Variants in TBL1X observed in about 807,000 individuals in gnomAD.
The protein encoded by TBL1X is F-box-like/WD repeat-containing protein TBL1X.
In TBL1X, 10 loss-of-function variants were observed where a neutral mutation model predicts 50.7. The ratio of observed to expected loss-of-function variants is 0.20; its 90% CI spans 0.12 to 0.33. The LOEUF (loss-of-function observed/expected upper bound fraction) is 0.33, where lower values mean the gene tolerates loss of function less well. Ranked by LOEUF, TBL1X falls within the 10% of genes least tolerant of loss-of-function variation. The pLI, the probability that TBL1X is intolerant of heterozygous loss-of-function variation, is 1.00. For missense variants in TBL1X, 340 were observed against 504.4 expected (o/e 0.67, Z 3.12); for synonymous variants, 190 against 214.7 (o/e 0.88, Z 1.01).
At chrX:9,694,982 ATAAAT>A (rs2083122890) in intron 11 of TBL1X, among the ~76,000 whole-genome samples, 1 of 110,924 alleles carries the variant, frequency 9.0e-6, no homozygotes, top group Non-Finnish European at 1.9e-5. Context: ...AAATAAATAA[ATAAAT>A]AAATAAATAA....
chrX:9,558,363 C>G (rs962572371), intron 2 of TBL1X, among the ~76,000 whole-genome samples: 1 of 110,457 alleles, frequency 9.1e-6, no homozygotes, highest in Non-Finnish European at 1.9e-5. Flanking sequence ...ACTAAAAATA[C>G]AAAATTAGCC....
intron 3 of TBL1X, among the ~76,000 whole-genome samples, chrX:9,643,343 G>A (rs1027735284): frequency 9.0e-6 from 1 of 111,310 alleles, no homozygotes; most frequent in Non-Finnish European, 1.9e-5. Flanking sequence ...CCTGCTCACC[G>A]CTGCTTCTGT....
chrX:9,507,700 G>A (rs1187387427), intron 2 of TBL1X, among the ~76,000 whole-genome samples: 2 of 111,858 alleles, frequency 1.8e-5, no homozygotes, highest in Non-Finnish European at 3.8e-5. Flanking sequence ...TATACTACAA[G>A]GTTACATTAA....
chrX:9,620,348 C>T (rs757357813), intron 2 of TBL1X, among the ~76,000 whole-genome samples: 1 of 112,662 alleles, frequency 8.9e-6, no homozygotes, highest in Non-Finnish European at 1.9e-5. Context: ...TTTTAAGTTT[C>T]TTTCCTGAGT....
chrX:9,510,779 G>A (rs770977644), intron 2 of TBL1X, among the ~76,000 whole-genome samples: 5 of 112,134 alleles, frequency 4.5e-5, no homozygotes, highest in South Asian at 3.8e-4. Context: ...ACTGAGGTCC[G>A]CCAAAGAGGA....
chrX:9,701,525 G>T (rs772263518), intron 12 of TBL1X, among the ~76,000 whole-genome samples: 7 of 94,580 alleles, frequency 7.4e-5, no homozygotes, highest in African/African-American at 2.6e-4. Flanking sequence ...AATTGTCTTG[G>T]GCCACACATA....
At chrX:9,608,219 G>A (rs1282301244) in intron 2 of TBL1X, among the ~76,000 whole-genome samples, 2 of 111,162 alleles carry the variant, frequency 1.8e-5, no homozygotes, top group Non-Finnish European at 3.8e-5. Context: ...CATATCAAGG[G>A]TAGGTACTGT....
At chrX:9,522,134 C>T (rs1432504709) in intron 2 of TBL1X, among the ~76,000 whole-genome samples, 6 of 108,051 alleles carry the variant, frequency 5.6e-5, no homozygotes, top group African/African-American at 2.0e-4. Context: ...CCTCCCACTT[C>T]AGCCTCCCAA....
chrX:9,694,908 C>A (rs2040617), intron 11 of TBL1X, among the ~76,000 whole-genome samples: 50,034 of 107,737 alleles, frequency 0.46, 8,892 homozygotes, highest in African/African-American at 0.57. Flanking sequence ...GGGGTGAGCC[C>A]AGATCGCGCC....
chrX:9,550,603 T>C (rs185285997), intron 2 of TBL1X, among the ~76,000 whole-genome samples: 66 of 112,055 alleles, frequency 5.9e-4, no homozygotes, highest in African/African-American at 1.4e-3. Flanking sequence ...TGTAGGAGTG[T>C]ACATTTTGGT....
chrX:9,604,596 G>A (rs1326296961), intron 2 of TBL1X, among the ~76,000 whole-genome samples: 1 of 108,364 alleles, frequency 9.2e-6, no homozygotes, highest in Middle Eastern at 4.3e-3. Context: ...GGGGTGCAGG[G>A]TGGCTTTGGG....
intron 7 of TBL1X, 67 bp downstream of exon 7, chrX:9,688,342 C>T: frequency 1.0e-6 from 1 of 956,583 alleles, no homozygotes; most frequent in South Asian, 2.6e-5. Context: ...TTGGGCAAAT[C>T]CGAATGCCTT....
chrX:9,554,207 T>C (rs1433666472), intron 2 of TBL1X, among the ~76,000 whole-genome samples: 1 of 112,606 alleles, frequency 8.9e-6, no homozygotes, highest in African/African-American at 3.2e-5. Context: ...TATTTTACCA[T>C]CACTTTCCAA....
intron 6 of TBL1X, 83 bp downstream of exon 6, chrX:9,684,271 CAT>C (rs1445871531): frequency 8.8e-6 from 10 of 1,131,872 alleles, no homozygotes; most frequent in Non-Finnish European, 1.2e-5. Flanking sequence ...AGCTAACATG[CAT>C]TTCCCTCAGG....
intron 2 of TBL1X, among the ~76,000 whole-genome samples, chrX:9,555,940 C>T (rs1402916996): frequency 9.0e-6 from 1 of 111,373 alleles, no homozygotes; most frequent in Non-Finnish European, 1.9e-5. Flanking sequence ...GGAATCCCAG[C>T]ACTTTGGGAG....
intron 2 of TBL1X, among the ~76,000 whole-genome samples, chrX:9,628,737 AG>A (rs1460668570): frequency 9.0e-6 from 1 of 111,008 alleles, no homozygotes; most frequent in Non-Finnish European, 1.9e-5. Context: ...TAGTAGAGAC[AG>A]GGTTTCTCCG....
chrX:9,568,670 G>A lies in TBL1X; in HGVS notation c.-131+66821G>A, dbSNP rs756584677. 3.7e-5 allele frequency among the ~76,000 whole-genome samples: 4 copies of A among 107,836 alleles called. No individual in the cohort carries two copies. The East Asian group carries it at 1.2e-3, about 32-fold the overall frequency. The allele number at this position is 107,836 out of a possible 115,157, so 93.6% of individuals were successfully genotyped here. On this transcript the variant is annotated intron_variant, in intron 2 of 17. Transcript: ENST00000645353. ...GCTATGTGTATGTCGTGTCTGTGCA[G>A]TGTGCTGTGTGTGTGTCTGATGTGC...
intron 2 of TBL1X, among the ~76,000 whole-genome samples, chrX:9,585,378 A>T (rs2082464442): frequency 2.4e-5 from 2 of 84,718 alleles, no homozygotes; most frequent in Non-Finnish European, 4.3e-5. Context: ...TGCAGATCAC[A>T]GGCCGTCTCT....
At chrX:9,494,268 C>A (rs1051114879) in intron 1 of TBL1X, among the ~76,000 whole-genome samples, 2 of 111,439 alleles carry the variant, frequency 1.8e-5, no homozygotes, top group African/African-American at 6.5e-5. Context: ...GAGAATTTGC[C>A]AGAACATTCC....
Sources: allele counts gnomAD v4.1 joint callset (sites outside exome capture counted in the v4.1 genomes callset), GRCh38; gene constraint gnomAD v4.1.1; transcripts MANE v1.5; gene names NCBI Gene and HGNC (gene_info 2026-07-23, HGNC 2026-07-21).